Variants in AMOTL1 observed in about 807,000 individuals in gnomAD.
AMOTL1 encodes angiomotin like 1, also known as angiomotin-like protein 1.
Under a neutral mutation model 102.9 loss-of-function variants are expected in AMOTL1, and 45 were observed. The observed-to-expected ratio is 0.44, with a 90% CI of 0.34 to 0.56. The LOEUF (loss-of-function observed/expected upper bound fraction) is 0.56, where lower values mean the gene tolerates loss of function less well. Ranked by LOEUF, AMOTL1 falls within the 20% of genes least tolerant of loss-of-function variation. The pLI is 0.01. For missense variants in AMOTL1, 1,114 were observed against 1,225.6 expected (o/e 0.91, Z 1.36); for synonymous variants, 481 against 484.7 (o/e 0.99, Z 0.10).
chr11:94,768,301 C>T (rs1565344437), upstream of AMOTL1: 13 of 1,345,656 alleles, frequency 9.7e-6, no homozygotes, highest in Non-Finnish European at 1.2e-5. Flanking sequence ...GTGACGAGCC[C>T]GGGCGACCCT....
chr11:94,730,360 C>T (rs534979097), intron 2 of AMOTL1, among the ~76,000 whole-genome samples: 2 of 152,300 alleles, frequency 1.3e-5, no homozygotes, highest in East Asian at 3.9e-4. Context: ...CTCTCTTCCA[C>T]TTGGCCAGTT....
intron 6 of AMOTL1, among the ~76,000 whole-genome samples, chr11:94,839,369 A>C (rs151115741): frequency 6.6e-6 from 1 of 152,294 alleles, no homozygotes; most frequent in Non-Finnish European, 1.5e-5. Flanking sequence ...TTCCAAACAA[A>C]CCTTTGAGGT....
At chr11:94,729,823 T>A (rs1950317753) in intron 2 of AMOTL1, among the ~76,000 whole-genome samples, 1 of 152,220 alleles carries the variant, frequency 6.6e-6, no homozygotes, top group Non-Finnish European at 1.5e-5. Flanking sequence ...TGAGTATCTA[T>A]TTTATGCCAA....
chr11:94,754,743 G>C (rs1950700932), intron 3 of AMOTL1, among the ~76,000 whole-genome samples: 1 of 152,122 alleles, frequency 6.6e-6, no homozygotes. Context: ...TAGGTAGGTT[G>C]GTATTTGCCA....
chr11:94,838,864 C>T (rs1436991303), intron 6 of AMOTL1, among the ~76,000 whole-genome samples: 1 of 152,114 alleles, frequency 6.6e-6, no homozygotes, highest in East Asian at 1.9e-4. Context: ...TGAGGATTCA[C>T]AATTAGCTAA....
At chr11:94,823,551 T>C (rs1328014676) in intron 4 of AMOTL1, among the ~76,000 whole-genome samples, 1 of 152,120 alleles carries the variant, frequency 6.6e-6, no homozygotes, top group Admixed American at 6.5e-5. Context: ...GACCTCTTTC[T>C]TCTCTCCTAA....
At chr11:94,867,852 T>G (rs1952913575) in intron 11 of AMOTL1, among the ~76,000 whole-genome samples, 1 of 152,220 alleles carries the variant, frequency 6.6e-6, no homozygotes, top group Admixed American at 6.5e-5. Flanking sequence ...AGAACATAGG[T>G]TGGACTCCAA....
intron 1 of AMOTL1, among the ~76,000 whole-genome samples, chr11:94,718,923 C>T (rs17608107): frequency 2.0e-5 from 3 of 151,526 alleles, no homozygotes; most frequent in Admixed American, 6.6e-5. Flanking sequence ...TTTGTGACTT[C>T]TAGATTTTAT....
At chr11:94,846,289 C>G (rs1160157555) in intron 6 of AMOTL1, among the ~76,000 whole-genome samples, 1 of 152,236 alleles carries the variant, frequency 6.6e-6, no homozygotes, top group Non-Finnish European at 1.5e-5. Flanking sequence ...CCCACCAGAT[C>G]AAGTGCAGAA....
At chr11:94,870,122 T>C (rs1214642502) in intron 12 of AMOTL1, among the ~76,000 whole-genome samples, 3 of 152,120 alleles carry the variant, frequency 2.0e-5, no homozygotes, top group African/African-American at 4.8e-5. Flanking sequence ...CAAATGTTCT[T>C]AAATGGGTAA....
In AMOTL1 at chr11:94,799,247, C is replaced by T. The variant is rs548468775; in HGVS notation, c.200-143C>T. ...AGAAGAAAATTCCATGAGACATTGC[C>T]AGGTAAATGGAGGTGATGATGCATT... On this transcript the variant is annotated intron_variant, in intron 2 of 12. Transcript: ENST00000433060. This position sits in a 1 kb window ranked among gnomAD's most constrained non-coding sequence, Gnocchi z 4.5. The T allele has an allele frequency of 1.3e-5, 9 of 716,528 alleles. No individual in the cohort carries two copies. Among genetic ancestry groups the T allele is most frequent in the African/African-American group, 9.0e-5 (5 of 55,858 alleles). 44.4% of individuals were successfully genotyped at this position (716,528 alleles called of 1,614,324 possible). A position where few individuals can be genotyped will look rare whatever the true frequency, so the allele number is the denominator to read the frequency against.
intron 1 of AMOTL1, among the ~76,000 whole-genome samples, chr11:94,720,800 G>C (rs1314746147): frequency 6.6e-6 from 1 of 152,088 alleles, no homozygotes; most frequent in African/African-American, 2.4e-5. Context: ...TTGATCAGCT[G>C]GGCTAGAGAG....
At chr11:94,867,971 C>T (rs953320865) in intron 11 of AMOTL1, among the ~76,000 whole-genome samples, 7 of 152,138 alleles carry the variant, frequency 4.6e-5, no homozygotes, top group Admixed American at 1.3e-4. Context: ...AGGCCTGTCT[C>T]GCAGGAATGA....
At position 94,850,131 on chromosome 11, in the gene AMOTL1, G is replaced by A; in HGVS notation, c.1666G>A (p.Glu556Lys). 1 of 1,581,138 alleles carries A rather than the reference G, an allele frequency of 6.3e-7. No individual in the cohort carries two copies. The highest frequency in any genetic ancestry group is 8.6e-7 in the Non-Finnish European group (1 of 1,162,740). Residue 556 changes from glutamate (E) to lysine (K), a missense_variant, in exon 7 of 13, where the codon GAA becomes AAA. Transcript: ENST00000433060. ...CCTTCTAGACAAAGAATTCTTGAAGGAAAAGGAGAAATTAGAAATGGAGTT... is the reference window on the plus strand; with the variant it reads ...CCTTCTAGACAAAGAATTCTTGAAGAAAAAGGAGAAATTAGAAATGGAGTT... ...YASQNKEFLK[E>K]KEKLEMELAA...
At chr11:94,840,561 G>A (rs971199226) in intron 6 of AMOTL1, among the ~76,000 whole-genome samples, 35 of 150,952 alleles carry the variant, frequency 2.3e-4, no homozygotes, top group Middle Eastern at 3.5e-3. Context: ...AACTTTTTCC[G>A]CCGGATGTAA....
In AMOTL1 at chr11:94,836,125, T is replaced by C. The variant is rs977885173; in HGVS notation, c.1648+4584T>C. Among the ~76,000 whole-genome samples the C allele has an allele frequency of 4.6e-5, 7 of 152,324 alleles. No individual in the cohort carries two copies. In the East Asian group the frequency reaches 1.3e-3, roughly 29 times the overall value. ...GTTTTTTTATTTCTATAAGGTCTTG[T>C]GTGAACCACAGATCAGAAATTAAGA... On this transcript the variant is annotated intron_variant, in intron 6 of 12. Transcript: ENST00000433060.
At chr11:94,828,089 G>C (rs1454548136) in intron 4 of AMOTL1, among the ~76,000 whole-genome samples, 1 of 152,152 alleles carries the variant, frequency 6.6e-6, no homozygotes, top group Non-Finnish European at 1.5e-5. Context: ...ATGTGCAGCA[G>C]GTTCCTCAAA....
chr11:94,831,588 C>A, intron 6 of AMOTL1, 47 bp downstream of exon 6: 1 of 1,517,386 alleles, frequency 6.6e-7, no homozygotes, highest in Non-Finnish European at 9.1e-7. Flanking sequence ...TGTTTAAAAA[C>A]GGGGTCCTGA....
At chr11:94,842,341 A>G (rs920979457) in intron 6 of AMOTL1, among the ~76,000 whole-genome samples, 2 of 152,142 alleles carry the variant, frequency 1.3e-5, no homozygotes, top group South Asian at 4.2e-4. Flanking sequence ...CACATCAGCC[A>G]CTGGACCTAG....
Sources: allele counts gnomAD v4.1 joint callset (sites outside exome capture counted in the v4.1 genomes callset), GRCh38; gene constraint gnomAD v4.1.1; non-coding constraint Gnocchi (gnomAD v3.1); transcripts MANE v1.5; gene names NCBI Gene and HGNC (gene_info 2026-07-23, HGNC 2026-07-21).